PLEC: variants seen among roughly 807,000 people sequenced by gnomAD.
PLEC encodes the protein hemidesmosomal protein 1.
Under a neutral mutation model 392.8 loss-of-function variants are expected in PLEC, and 216 were observed. The ratio of observed to expected loss-of-function variants is 0.55; its 90% confidence interval spans 0.49 to 0.62. The LOEUF is 0.62. Ranked by LOEUF, PLEC falls within the 20% of genes least tolerant of loss-of-function variation. PLEC has a pLI of 0.00. For synonymous variants in PLEC, 3,621 were observed against 2,980.6 expected (o/e 1.21, Z -7.00); for missense variants, 6,863 against 6,563.4 (o/e 1.05, Z -1.58).
upstream of PLEC, chr8:143,942,254 G>A (rs1554729196): frequency 4.0e-6 from 4 of 997,496 alleles, no homozygotes; most frequent in Non-Finnish European, 5.9e-6. Flanking sequence ...TGTTTCCGGA[G>A]CTCGGGGGCA....
chr8:143,918,318 C>T lies in PLEC; in HGVS notation c.11503G>A (p.Asp3835Asn), dbSNP rs368824832. 1.5e-4 allele frequency: 245 copies of T among 1,588,912 alleles called. No individual in the cohort carries two copies. The highest frequency in any genetic ancestry group is 4.7e-4 in the South Asian group (42 of 89,792). Residue 3835 changes from aspartate (D) to asparagine (N), a missense_variant, in exon 32 of 32, where the codon GAC becomes AAC. By Grantham distance (23) the Asp-to-Asn change is conservative (BLOSUM62 1). Coordinates refer to ENST00000345136, the MANE Select transcript of PLEC (RefSeq NM_201384.3). ...ACCTCGCTGGGCTCTGACAGCTGGT[C>T]GTGCGTGTCCTTGTTGAGGTAGCCA... ...QRGYLNKDTH[D>N]QLSEPSEVRS...
chr8:143,933,411 C>A (rs1827999003), intron 12 of PLEC, 60 bp from the exon 13 acceptor site: 1 of 1,593,464 alleles, frequency 6.3e-7, no homozygotes, highest in African/African-American at 1.3e-5. Context: ...TCACAGGGGC[C>A]CCGGCCAAGA....
intron 1 of PLEC, among the ~76,000 whole-genome samples, chr8:143,966,947 G>A (rs1467715604): frequency 2.0e-5 from 3 of 152,180 alleles, no homozygotes; most frequent in Admixed American, 2.0e-4. Context: ...AAAAAATGCA[G>A]CAGTGCTGGA....
chr8:143,948,007 C>A (rs1831700036), intron 1 of PLEC, among the ~76,000 whole-genome samples: 1 of 152,220 alleles, frequency 6.6e-6, no homozygotes, highest in African/African-American at 2.4e-5. Context: ...CCCAGTTCAC[C>A]CCACATATCT....
upstream of PLEC, chr8:143,943,840 A>T: frequency 1.2e-6 from 2 of 1,612,294 alleles, no homozygotes; most frequent in Non-Finnish European, 1.7e-6. Context: ...CCAGGGTGAC[A>T]ACGTGACCCA....
upstream of PLEC, chr8:143,943,735 C>G (rs1554730420): frequency 6.3e-7 from 1 of 1,577,196 alleles, no homozygotes; most frequent in Admixed American, 1.7e-5. Context: ...CAGGCGGCCC[C>G]TCTGCCCCGC....
At chr8:143,950,041 A>C in intron 1 of PLEC, 1 of 1,084,690 alleles carries the variant, frequency 9.2e-7, no homozygotes, top group Non-Finnish European at 1.3e-6. Context: ...ACCCTCGGCT[A>C]GGGGGGGCCA....
chr8:143,960,707 G>T (rs541918643), intron 1 of PLEC, among the ~76,000 whole-genome samples: 2 of 151,978 alleles, frequency 1.3e-5, no homozygotes, highest in Non-Finnish European at 2.9e-5. Context: ...AAATATTCAC[G>T]TGACTCAAAC....
Position 143,920,742 on chromosome 8 carries a change from C to T in PLEC, c.9079G>A (p.Ala3027Thr), listed in dbSNP as rs768113059. The change falls in exon 32 of 32, where the codon GCG becomes ACG. Residue 3027 changes from alanine to threonine, a missense_variant. Coordinates refer to ENST00000345136, the MANE Select transcript of PLEC (RefSeq NM_201384.3). ...CCCGCCTCCTCCAGCCATACACCCG[C>T]GATGACGTTGGCACCCCGGAGAGCC... ...RRALRGANVI[A>T]GVWLEEAGQK... 4.3e-5 allele frequency: 69 copies of T among 1,604,680 alleles called. No individual in the cohort carries two copies. Among genetic ancestry groups the T allele is most frequent in the African/African-American group, 6.7e-5 (5 of 74,926 alleles).
chr8:143,967,665 T>C (rs1554742736), intron 1 of PLEC, among the ~76,000 whole-genome samples: 2 of 152,226 alleles, frequency 1.3e-5, no homozygotes, highest in African/African-American at 4.8e-5. Context: ...AGCTCACACC[T>C]GTAATCCCAG....
At chr8:143,938,458 G>A (rs1042269990) in intron 2 of PLEC, 173 bp downstream of exon 2, 21 of 1,546,210 alleles carry the variant, frequency 1.4e-5, no homozygotes, top group South Asian at 8.2e-5. Context: ...AGAGGAGGAA[G>A]AGAGAGGCAG....
At position 143,918,386 on chromosome 8, in the gene PLEC, G is replaced by C. The variant is rs1554675092; in HGVS notation, c.11435C>G (p.Pro3812Arg). ...CAGGGGAAGGTGGAAGCCCAGGCGG[G>C]GGTCCACGATGCCGCCGGTGGCCAG... ...AQLATGGIVD[P>R]RLGFHLPLEV... Residue 3812 changes from proline to arginine, a missense_variant, in exon 32 of 32, where the codon CCC becomes CGC. Physicochemically the swap from Pro to Arg is moderately radical, Grantham distance 103. Coordinates refer to ENST00000345136, the MANE Select transcript of PLEC (RefSeq NM_201384.3). 2 of 1,566,718 alleles carry C rather than the reference G, an allele frequency of 1.3e-6. No homozygotes were observed. The highest frequency in any genetic ancestry group is 4.7e-5 in the East Asian group (2 of 42,928).
rs11993782 is a variant in PLEC, at chr8:143,929,874, C to A, written c.2740-45G>T. On this transcript the variant is annotated intron_variant, in intron 22 of 31. Transcript: ENST00000345136. ...CTGAGTGCCGGGCGAGGCGGCCGTG[C>A]CCTGCACAACGCCTCTCCCCTCCTC... is the stretch of plus-strand genomic sequence containing the variant. 69,359 of 1,601,062 alleles carry A rather than the reference C, an allele frequency of 0.043. 21,165 individuals are homozygous for A. In the African/African-American group the frequency reaches 0.74, roughly 17 times the overall value.
At chr8:143,940,560 G>A (rs782206723), upstream of PLEC, among the ~76,000 whole-genome samples, 10 of 152,176 alleles carry the variant, frequency 6.6e-5, no homozygotes, top group Admixed American at 2.6e-4. Flanking sequence ...CCTGGGGTCC[G>A]GGGCGGAGCT....
intron 1 of PLEC, among the ~76,000 whole-genome samples, chr8:143,949,988 A>T (rs532753859): frequency 6.6e-6 from 1 of 152,078 alleles, no homozygotes; most frequent in Non-Finnish European, 1.5e-5. Context: ...TCCCCAGCCG[A>T]GGAGGAGGGG....
Position 143,934,349 on chromosome 8 carries a change from G to A in PLEC, c.1138C>T (p.Arg380Trp), listed in dbSNP as rs782271562. The A allele has an allele frequency of 4.3e-6, 7 of 1,612,408 alleles. No homozygotes were observed. Among genetic ancestry groups the A allele is most frequent in the African/African-American group, 2.7e-5 (2 of 74,910 alleles). Residue 380 changes from arginine (R) to tryptophan (W), a missense_variant, in exon 11 of 32, where the codon CGG becomes TGG. Coordinates refer to ENST00000345136, the MANE Select transcript of PLEC (RefSeq NM_201384.3). ...AACTCGCTGCGGAGCTGCTTCTCCC[G>A]CTCCAGGATGGCCACGTGCAGCTTG... is the stretch of plus-strand genomic sequence containing the variant. ...WGKLHVAILE[R>W]EKQLRSEFER... is the part of the protein sequence containing the mutation.
chr8:143,918,633 T>G lies in PLEC; in HGVS notation c.11188A>C (p.Thr3730Pro). 6.2e-7 allele frequency: 1 copy of G among 1,612,734 alleles called. No individual in the cohort carries two copies. Among genetic ancestry groups the G allele is most frequent in the Non-Finnish European group, 8.5e-7 (1 of 1,179,968 alleles). ...ARLLLEAQAA[T>P]GFLLDPVKGE... is the part of the protein sequence containing the mutation. ...TTCACCGGGTCCAGCAGGAAGCCTG[T>G]GGCTGCCTGTGCCTCCAGCAGCAGG... Residue 3730 changes from threonine to proline, a missense_variant, in exon 32 of 32, where the codon ACA (threonine) becomes CCA (proline). Coordinates refer to ENST00000345136, the MANE Select transcript of PLEC (RefSeq NM_201384.3).
chr8:143,952,863 C>G (rs1564214854), upstream of PLEC, among the ~76,000 whole-genome samples: 1 of 152,042 alleles, frequency 6.6e-6, no homozygotes, highest in African/African-American at 2.4e-5. Context: ...CGGGGCTCGG[C>G]GGGAGTCCCC....
rs1462928270 is a variant in PLEC, at chr8:143,973,163, G to A, written c.70+240C>T. 2.0e-5 allele frequency among the ~76,000 whole-genome samples: 3 copies of A among 151,190 alleles called. No homozygotes were observed. Among genetic ancestry groups the A allele is most frequent in the African/African-American group, 7.3e-5 (3 of 41,228 alleles). ...GCCCTGAGCGCCCCCACCCGCCCGC[G>A]GCCCACCCCACCCACCCGAGCCGCG... On this transcript the variant is annotated intron_variant, in intron 1 of 31. Coordinates refer to the PLEC transcript ENST00000356346. This position sits in a 1 kb window ranked among gnomAD's most constrained non-coding sequence, Gnocchi z 5.6.
Sources: allele counts gnomAD v4.1 joint callset (sites outside exome capture counted in the v4.1 genomes callset), GRCh38; gene constraint gnomAD v4.1.1; non-coding constraint Gnocchi (gnomAD v3.1); transcripts MANE v1.5; gene names NCBI Gene and HGNC (gene_info 2026-07-23, HGNC 2026-07-21).